The following SNX25 variants were observed in gnomAD, a reference collection of about 807,000 sequenced individuals.
The protein encoded by SNX25 is sorting nexin 25, also known as sorting nexin-25.
In SNX25, 62 loss-of-function variants were observed where a neutral mutation model predicts 113.7. The observed-to-expected ratio is 0.55, with a 90% CI of 0.44 to 0.67. The LOEUF (loss-of-function observed/expected upper bound fraction) is 0.67. SNX25 is among the 30% of genes least tolerant of loss of function. The probability of loss-of-function intolerance (pLI) is 0.00; values close to 1 mark genes in which losing one functional copy is unlikely to be tolerated. For synonymous variants in SNX25, 421 were observed against 436.2 expected (o/e 0.97, Z 0.43); for missense variants, 1,014 against 1,161.0 (o/e 0.87, Z 1.84).
At chr4:185,304,342 G>A (rs529723500) in intron 6 of SNX25, among the ~76,000 whole-genome samples, 9 of 152,098 alleles carry the variant, frequency 5.9e-5, no homozygotes, top group African/African-American at 1.7e-4. Context: ...ATGCCACCAC[G>A]CCTGGCTAAT....
At chr4:185,229,432 C>T (rs1302637217) in intron 1 of SNX25, among the ~76,000 whole-genome samples, 7 of 152,142 alleles carry the variant, frequency 4.6e-5, no homozygotes, top group Admixed American at 3.3e-4. Flanking sequence ...TGGAATCTGC[C>T]CCATGTTCTA....
intron 1 of SNX25, among the ~76,000 whole-genome samples, chr4:185,230,148 C>T (rs922775313): frequency 2.0e-5 from 3 of 152,004 alleles, no homozygotes; most frequent in Non-Finnish European, 4.4e-5. Flanking sequence ...GTATTTAAAA[C>T]TACCTCTCAT....
intron 5 of SNX25, among the ~76,000 whole-genome samples, chr4:185,270,366 C>T (rs1748751281): frequency 6.6e-6 from 1 of 152,150 alleles, no homozygotes; most frequent in Non-Finnish European, 1.5e-5. Context: ...ATAGTGTGAG[C>T]CCTTAATCTT....
chr4:185,370,857 T>C, downstream of SNX25: 1 of 1,603,214 alleles, frequency 6.2e-7, no homozygotes. Flanking sequence ...ACATCAGTTA[T>C]GGTAAGTGTT....
chr4:185,242,704 G>T (rs779134894), intron 1 of SNX25, among the ~76,000 whole-genome samples: 43 of 152,094 alleles, frequency 2.8e-4, no homozygotes, highest in Non-Finnish European at 5.0e-4. Context: ...CTAGAGTATA[G>T]GGTGGGATCT....
At chr4:185,348,053 T>C (rs2095296923) in intron 13 of SNX25, among the ~76,000 whole-genome samples, 1 of 152,252 alleles carries the variant, frequency 6.6e-6, no homozygotes, top group African/African-American at 2.4e-5. Flanking sequence ...ATTTTCTTAA[T>C]TTCCTTTAAA....
Position 185,357,687 on chromosome 4 carries a change from A to T in SNX25, c.2601A>T (p.Arg867Ser), listed in dbSNP as rs371846660. 3.7e-6 allele frequency: 6 copies of T among 1,614,132 alleles called. No homozygotes were observed. ...CTGTTTCAGTGTTTAAATGGGTGAG[A>T]AGAACATTAATTGCCCTCGTTCAGG... ...FELRGMFKWV[R>S]RTLIALVQVT... The change falls in exon 16 of 19, where the codon AGA becomes AGT. Residue 867 changes from arginine (R) to serine (S), a missense_variant. Coordinates refer to ENST00000652585, the MANE Select transcript of SNX25 (RefSeq NM_001378034.2).
chr4:185,250,135 T>C (rs3112852), intron 2 of SNX25, among the ~76,000 whole-genome samples: 17,299 of 152,224 alleles, frequency 0.11, 1,147 homozygotes, highest in African/African-American at 0.18. Context: ...AGATACTTGG[T>C]TTTATACATT....
intron 11 of SNX25, among the ~76,000 whole-genome samples, chr4:185,369,030 G>A (rs2126779774): frequency 6.6e-6 from 1 of 152,110 alleles, no homozygotes. Context: ...TTGGCCTCAG[G>A]TAATCCTCCC....
At chr4:185,359,861 A>G (rs1397951442) in intron 16 of SNX25, among the ~76,000 whole-genome samples, 1 of 152,212 alleles carries the variant, frequency 6.6e-6, no homozygotes, top group Non-Finnish European at 1.5e-5. Context: ...TAATTTTCAC[A>G]GGGATGGAGA....
At chr4:185,269,242 C>T (rs965943645) in intron 5 of SNX25, among the ~76,000 whole-genome samples, 1 of 152,044 alleles carries the variant, frequency 6.6e-6, no homozygotes, top group African/African-American at 2.4e-5. Flanking sequence ...TGTTGCCTCT[C>T]CTCTCCCTAA....
intron 2 of SNX25, among the ~76,000 whole-genome samples, chr4:185,258,639 T>C (rs185803497): frequency 3.9e-4 from 59 of 152,330 alleles, no homozygotes; most frequent in African/African-American, 1.3e-3. Flanking sequence ...TAGGAAAATT[T>C]AGGACATGGT....
At chr4:185,259,184 G>GTAGA (rs1416246508) in intron 3 of SNX25, 120 bp downstream of exon 3, 1 of 832,530 alleles carries the variant, frequency 1.2e-6, no homozygotes, top group African/African-American at 1.7e-5. Flanking sequence ...GCTTGAAAAT[G>GTAGA]TAGATTTATT....
rs2095374998 is a variant in SNX25 at position 185,363,317 on chromosome 4, GA to G, written c.2935-67del. 6.8e-7 allele frequency: 1 copy of G among 1,462,732 alleles called. No individual in the cohort carries two copies. Among genetic ancestry groups the G allele is most frequent in the Admixed American group, 1.8e-5 (1 of 55,400 alleles). The allele number at this position is 1,462,732 out of a possible 1,614,324, so 90.6% of individuals were successfully genotyped here. A position where few individuals can be genotyped will look rare whatever the true frequency, so the allele number is the denominator to read the frequency against. Reference sequence around the variant, plus strand: ...AAATTAGACTTTTCTCTTAGATGCAGATATTTATTTTGAATAAACCCTTGGA... The same window carrying G: ...AAATTAGACTTTTCTCTTAGATGCAGTATTTATTTTGAATAAACCCTTGGA... On this transcript the variant is annotated intron_variant, in intron 18 of 18. Coordinates refer to ENST00000652585, the MANE Select transcript of SNX25 (RefSeq NM_001378034.2). This position sits in a 1 kb window ranked among gnomAD's most constrained non-coding sequence, Gnocchi z 4.2.
At chr4:185,259,202 A>G in intron 3 of SNX25, 138 bp downstream of exon 3, 2 of 724,466 alleles carry the variant, frequency 2.8e-6, no homozygotes, top group Non-Finnish European at 4.4e-6. Context: ...ATTAAGGGGG[A>G]ATAATTATGT....
intron 16 of SNX25, among the ~76,000 whole-genome samples, chr4:185,358,686 T>A (rs1402271920): frequency 6.6e-6 from 1 of 152,216 alleles, no homozygotes; most frequent in Non-Finnish European, 1.5e-5. Context: ...GCTTCATCTC[T>A]GTGCCTGGAA....
rs1365558807 is a variant in SNX25, at chr4:185,357,727, A to G, written c.2641A>G (p.Thr881Ala). The G allele has an allele frequency of 6.2e-7, 1 of 1,613,768 alleles. No homozygotes were observed. Among genetic ancestry groups the G allele is most frequent in the Non-Finnish European group, 8.5e-7 (1 of 1,179,690 alleles). ...IALVQVTFGR[T>A]INKQIRDTVS... ...CCTCGTTCAGGTCACTTTTGGAAGA[A>G]CCATCAACAAGTGAGTTGTATGAAA... Residue 881 changes from threonine to alanine, a missense_variant, in exon 16 of 19, where the codon ACC becomes GCC. Transcript: ENST00000652585.
Position 185,310,743 on chromosome 4 carries a change from T to C in SNX25, c.1271T>C (p.Ile424Thr), listed in dbSNP as rs771362370. 1.9e-6 allele frequency: 3 copies of C among 1,614,012 alleles called. No homozygotes were observed. In the South Asian group the frequency reaches 3.3e-5, roughly 18 times the overall value. Residue 424 changes from isoleucine to threonine, a missense_variant, in exon 7 of 19, where the codon ATC becomes ACC. Ile to Thr is a moderately conservative substitution (Grantham distance 89). Transcript: ENST00000652585. Reference sequence around the variant, plus strand: ...AAGCAGTGTGAGAAGAGAATCCGAATCCTGGGAGGCCCTGCCTATGACCAG... The same window carrying C: ...AAGCAGTGTGAGAAGAGAATCCGAACCCTGGGAGGCCCTGCCTATGACCAG... ...AKKQCEKRIR[I>T]LGGPAYDQQE...
intron 16 of SNX25, among the ~76,000 whole-genome samples, chr4:185,358,506 A>G (rs760187456): frequency 6.6e-5 from 10 of 152,252 alleles, no homozygotes; most frequent in Non-Finnish European, 8.8e-5. Context: ...CATGTAGCCA[A>G]TAGAAGTTGA....
Sources: gnomAD v4.1 joint callset for allele counts (sites outside exome capture counted in the v4.1 genomes callset) on GRCh38, gnomAD v4.1.1 for gene constraint, Gnocchi (gnomAD v3.1) non-coding constraint, MANE v1.5 for transcripts, NCBI Gene and HGNC (gene_info 2026-07-23, HGNC 2026-07-21) for gene names.